KCNIP4: variants seen among roughly 807,000 people sequenced by gnomAD.
The protein encoded by KCNIP4 is Kv channel-interacting protein 4.
In KCNIP4, 12 loss-of-function variants were observed where a neutral mutation model predicts 34.0. The ratio of observed to expected loss-of-function variants is 0.35; its 90% confidence interval spans 0.23 to 0.57. KCNIP4 has a LOEUF of 0.57. KCNIP4 is among the 20% of genes least tolerant of loss of function. The probability of loss-of-function intolerance (pLI) is 0.83; values close to 1 mark genes in which losing one functional copy is unlikely to be tolerated. For missense variants in KCNIP4, 238 were observed against 311.7 expected (o/e 0.76, Z 1.78); for synonymous variants, 124 against 102.2 (o/e 1.21, Z -1.29).
chr4:21,929,767 A>G (rs1282454485), intron 1 of KCNIP4, among the ~76,000 whole-genome samples: 1 of 152,080 alleles, frequency 6.6e-6, no homozygotes, highest in Non-Finnish European at 1.5e-5. Flanking sequence ...TGCCCCACTT[A>G]AATTGCTTCA....
At chr4:21,733,655 T>C (rs1038587768) in intron 1 of KCNIP4, among the ~76,000 whole-genome samples, 1 of 152,166 alleles carries the variant, frequency 6.6e-6, no homozygotes, top group African/African-American at 2.4e-5. Flanking sequence ...TTCATGTCCT[T>C]AAGTACCCGA....
intron 1 of KCNIP4, among the ~76,000 whole-genome samples, chr4:21,088,969 A>G (rs1746726716): frequency 6.6e-6 from 1 of 152,240 alleles, no homozygotes; most frequent in African/African-American, 2.4e-5. Flanking sequence ...TGAAATGAAT[A>G]AATATTTTGT....
At chr4:21,129,900 A>AC (rs1750930802) in intron 1 of KCNIP4, among the ~76,000 whole-genome samples, 1 of 151,534 alleles carries the variant, frequency 6.6e-6, no homozygotes, top group Non-Finnish European at 1.5e-5. Context: ...AAAAAAAAAA[A>AC]CAGTGTGAAT....
At chr4:21,553,327 C>T (rs2109019284) in intron 1 of KCNIP4, among the ~76,000 whole-genome samples, 1 of 152,212 alleles carries the variant, frequency 6.6e-6, no homozygotes, top group South Asian at 2.1e-4. Flanking sequence ...TGACAGCAGC[C>T]TGGCAGAGGC....
intron 1 of KCNIP4, among the ~76,000 whole-genome samples, chr4:21,863,712 A>C (rs545946906): frequency 6.6e-6 from 1 of 152,284 alleles, no homozygotes; most frequent in South Asian, 2.1e-4. Flanking sequence ...AAAAGGGAAA[A>C]AGAACCTTCA....
At chr4:21,611,514 C>T (rs1744155288) in intron 1 of KCNIP4, among the ~76,000 whole-genome samples, 1 of 152,028 alleles carries the variant, frequency 6.6e-6, no homozygotes, top group Admixed American at 6.6e-5. Flanking sequence ...GGGGACACAG[C>T]CAAATCATAT....
At chr4:20,973,775 G>A (rs904563048) in intron 1 of KCNIP4, among the ~76,000 whole-genome samples, 10 of 152,092 alleles carry the variant, frequency 6.6e-5, no homozygotes, top group South Asian at 2.1e-4. Context: ...GGAATAGGCC[G>A]GCCCTGTGGA....
At chr4:21,476,875 G>A (rs1182909951) in intron 1 of KCNIP4, among the ~76,000 whole-genome samples, 1 of 151,992 alleles carries the variant, frequency 6.6e-6, no homozygotes, top group Non-Finnish European at 1.5e-5. Context: ...GTGCTCCAGG[G>A]TTTTCTTCCT....
At chr4:21,425,388 T>C (rs910657945) in intron 1 of KCNIP4, among the ~76,000 whole-genome samples, 1 of 152,140 alleles carries the variant, frequency 6.6e-6, no homozygotes, top group Non-Finnish European at 1.5e-5. Context: ...GTATTTTTTA[T>C]AATGTGAATC....
intron 1 of KCNIP4, among the ~76,000 whole-genome samples, chr4:21,016,699 G>T (rs960122634): frequency 6.6e-6 from 1 of 151,966 alleles, no homozygotes; most frequent in Admixed American, 6.6e-5. Flanking sequence ...TGCAACCTCC[G>T]CCTTCTGGGT....
At chr4:21,688,147 C>T (rs112008943) in intron 1 of KCNIP4, among the ~76,000 whole-genome samples, 102 of 152,276 alleles carry the variant, frequency 6.7e-4, no homozygotes, top group African/African-American at 2.4e-3. Context: ...AACTACTGTG[C>T]AGTACACACT....
intron 1 of KCNIP4, among the ~76,000 whole-genome samples, chr4:21,231,379 C>T (rs1049209988): frequency 6.6e-6 from 1 of 152,006 alleles, no homozygotes; most frequent in Admixed American, 6.6e-5. Flanking sequence ...AAAGTTGTTC[C>T]AGGTTCAGTA....
intron 1 of KCNIP4, among the ~76,000 whole-genome samples, chr4:21,340,169 A>C (rs541078675): frequency 6.6e-6 from 1 of 152,154 alleles, no homozygotes; most frequent in Non-Finnish European, 1.5e-5. Flanking sequence ...GAGCTATGAA[A>C]AAAATTTGGG....
chr4:21,625,120 TG>T (rs1745236520), intron 1 of KCNIP4, among the ~76,000 whole-genome samples: 1 of 152,082 alleles, frequency 6.6e-6, no homozygotes, highest in African/African-American at 2.4e-5. Flanking sequence ...ATCATGACTT[TG>T]TTGGTCCTCC....
At chr4:21,686,139 T>G (rs766507084) in intron 1 of KCNIP4, among the ~76,000 whole-genome samples, 1 of 152,192 alleles carries the variant, frequency 6.6e-6, no homozygotes, top group African/African-American at 2.4e-5. Context: ...GGAATGTGAC[T>G]GATTTGGTAG....
chr4:21,322,068 G>A (rs1714535263), intron 1 of KCNIP4, among the ~76,000 whole-genome samples: 1 of 142,140 alleles, frequency 7.0e-6, no homozygotes, highest in African/African-American at 2.6e-5. Flanking sequence ...AAGGAAAGGA[G>A]GGAGGGAGGA....
At chr4:21,483,230 A>AATATATAT (rs61650696) in intron 1 of KCNIP4, among the ~76,000 whole-genome samples, 37 of 150,446 alleles carry the variant, frequency 2.5e-4, no homozygotes, top group Non-Finnish European at 4.6e-4. Context: ...GTATAATTTA[A>AATATATAT]ATATATATAT....
At chr4:21,496,814 T>A (rs1732887147) in intron 1 of KCNIP4, among the ~76,000 whole-genome samples, 1 of 152,206 alleles carries the variant, frequency 6.6e-6, no homozygotes, top group Admixed American at 6.5e-5. Context: ...ATGCGAGGGA[T>A]CTAGGCTGCA....
chr4:21,396,554 A>AT lies in KCNIP4; in HGVS notation c.62-513846_62-513845insA, dbSNP rs1723020294. 6.7e-5 allele frequency among the ~76,000 whole-genome samples: 10 copies of AT among 149,978 alleles called. 1 individual carries two copies. In the South Asian group the frequency reaches 2.1e-3, roughly 32 times the overall value. Reference sequence around the variant, plus strand: ...CTGGTGACAGAGCAAGACTCCAAAAAAAAAAAAAAAAAAAGAGGATTCTGA... The same window carrying AT: ...CTGGTGACAGAGCAAGACTCCAAAAATAAAAAAAAAAAAAAGAGGATTCTGA... On this transcript the variant is annotated intron_variant, in intron 1 of 8. Transcript: ENST00000382152.
Sources: gnomAD v4.1 joint callset for allele counts (sites outside exome capture counted in the v4.1 genomes callset) on GRCh38, gnomAD v4.1.1 for gene constraint, MANE v1.5 for transcripts, NCBI Gene and HGNC (gene_info 2026-07-23, HGNC 2026-07-21) for gene names.